Variants in ALG9 observed in about 807,000 individuals in gnomAD.
ALG9 encodes alpha-1,2-mannosyltransferase ALG9.
Under a neutral mutation model 81.8 loss-of-function variants are expected in ALG9, and 55 were observed. The ratio of observed to expected loss-of-function variants is 0.67; its 90% CI spans 0.54 to 0.84. The LOEUF (loss-of-function observed/expected upper bound fraction) is 0.84. Ranked by LOEUF, ALG9 falls within the 40% of genes least tolerant of loss-of-function variation. ALG9 has a pLI of 0.00. For missense variants in ALG9, 629 were observed against 745.0 expected (o/e 0.84, Z 1.81); for synonymous variants, 278 against 274.3 (o/e 1.01, Z -0.13).
chr11:111,840,305 C>T (rs1405914541), intron 10 of ALG9, among the ~76,000 whole-genome samples: 4 of 152,148 alleles, frequency 2.6e-5, no homozygotes, highest in Admixed American at 1.3e-4. Context: ...CTGTGAACTG[C>T]CTGCTGTGAT....
At chr11:111,795,529 A>G (rs1207016801) in intron 14 of ALG9, among the ~76,000 whole-genome samples, 1 of 152,256 alleles carries the variant, frequency 6.6e-6, no homozygotes, top group Non-Finnish European at 1.5e-5. Flanking sequence ...GAATTTGCTG[A>G]ATCAGCATTA....
At chr11:111,853,836 G>T (rs1958218815) in intron 6 of ALG9, 100 bp from the exon 7 acceptor site, 1 of 1,095,166 alleles carries the variant, frequency 9.1e-7, no homozygotes, top group Non-Finnish European at 1.4e-6. Flanking sequence ...AAATGCCTCT[G>T]CCAGTTATAG....
At position 111,837,548 on chromosome 11, in the gene ALG9, A is replaced by G; in HGVS notation, c.1392T>C (p.Thr464=). The change falls in exon 12 of 15, where the codon ACT becomes ACC. Residue 464 remains threonine (T), a synonymous_variant. Coordinates refer to ENST00000616540, the MANE Select transcript of ALG9 (RefSeq NM_024740.2). ...CATTCACAGGTCTGCCTTCTGGGAC[A>G]GTGTGGATGGTTGGGTCTGTAGCAA... ...YRIATDPTIH[T]VPEGRPVNVC... is the part of the protein sequence containing the mutation. The G allele has an allele frequency of 1.9e-6, 3 of 1,614,106 alleles. No homozygotes were observed. The highest frequency in any genetic ancestry group is 2.5e-6 in the Non-Finnish European group (3 of 1,179,948).
At position 111,782,256 on chromosome 11, in the gene ALG9, C is replaced by G. The variant is rs541035545; in HGVS notation, c.*4141G>C. On this transcript the variant is annotated 3_prime_UTR_variant, in exon 15 of 15. Coordinates refer to ENST00000616540, the MANE Select transcript of ALG9 (RefSeq NM_024740.2). ...AGGAAATATAAGTATGTAATGTAAA[C>G]ACCGACACGTGAAATAAAGTACAAG... The G allele has an allele frequency of 4.6e-5, 7 of 152,288 alleles. No individual in the cohort carries two copies. The highest frequency in any genetic ancestry group is 8.8e-5 in the Non-Finnish European group (6 of 68,006). The allele number at this position is 152,288 out of a possible 1,614,324, so 9.4% of individuals were successfully genotyped here.
rs1185827853 is a variant in ALG9 at position 111,789,635 on chromosome 11, C to A, written c.1734-3115G>T. 2.6e-5 allele frequency among the ~76,000 whole-genome samples: 4 copies of A among 151,560 alleles called. No individual in the cohort carries two copies. The South Asian group carries it at 8.4e-4, about 32-fold the overall frequency. On this transcript the variant is annotated intron_variant, in intron 14 of 14. Transcript: ENST00000616540. ...GGCCACCGAGGTCAGGAGTTCAAGA[C>A]CAGCCTGGCCAAGATGGTGAAACCC...
At chr11:111,814,278 C>A (rs529825174) in intron 13 of ALG9, among the ~76,000 whole-genome samples, 1 of 152,262 alleles carries the variant, frequency 6.6e-6, no homozygotes, top group Non-Finnish European at 1.5e-5. Flanking sequence ...CAGTGTGATT[C>A]AGGCAAAATG....
intron 13 of ALG9, among the ~76,000 whole-genome samples, chr11:111,827,284 A>G (rs1448470643): frequency 6.6e-6 from 1 of 151,932 alleles, no homozygotes; most frequent in African/African-American, 2.4e-5. Flanking sequence ...TGAGACCAGC[A>G]TGACCAACAT....
At chr11:111,799,531 A>C (rs1948794297) in intron 14 of ALG9, among the ~76,000 whole-genome samples, 1 of 151,530 alleles carries the variant, frequency 6.6e-6, no homozygotes, top group South Asian at 2.1e-4. Flanking sequence ...CAGACAGCTG[A>C]GGCCCAATCT....
At chr11:111,802,695 A>C (rs1555081518) in intron 14 of ALG9, among the ~76,000 whole-genome samples, 1 of 152,192 alleles carries the variant, frequency 6.6e-6, no homozygotes, top group East Asian at 1.9e-4. Flanking sequence ...ACCCCGGTTA[A>C]ATTTACCTGT....
chr11:111,779,106 G>A (rs1304095741), downstream of ALG9, among the ~76,000 whole-genome samples: 15 of 151,392 alleles, frequency 9.9e-5, no homozygotes, highest in Non-Finnish European at 1.6e-4. Flanking sequence ...GAGCCACCGC[G>A]GCCGGCCAAT....
In ALG9 at chr11:111,846,312, G is replaced by A. The variant is rs528924626; in HGVS notation, c.896-1589C>T. On this transcript the variant is annotated intron_variant, in intron 8 of 14. Coordinates refer to ENST00000616540, the MANE Select transcript of ALG9 (RefSeq NM_024740.2). ...GTGAAGAAAAACCATAGAGTGACCA[G>A]ACAGAAAAGGGGTTATCCTTTCTAT... Among the ~76,000 whole-genome samples the A allele has an allele frequency of 1.5e-4, 23 of 152,226 alleles. No individual in the cohort carries two copies. In the East Asian group the frequency reaches 4.5e-3, roughly 29 times the overall value.
the ALG9 span, among the ~76,000 whole-genome samples, chr11:111,776,878 G>A: frequency 1.3e-5 from 2 of 152,156 alleles, no homozygotes; most frequent in South Asian, 4.1e-4. Flanking sequence ...GGGAGTAAAG[G>A]TATTCTAAGG....
At chr11:111,838,562 A>G (rs1386307829) in intron 10 of ALG9, among the ~76,000 whole-genome samples, 163 bp from the exon 11 acceptor site, 2 of 152,192 alleles carry the variant, frequency 1.3e-5, no homozygotes, top group African/African-American at 4.8e-5. Flanking sequence ...CTCTAAGACT[A>G]CCTGTAGTCT....
intron 9 of ALG9, among the ~76,000 whole-genome samples, chr11:111,844,104 A>G (rs1555126521): frequency 6.6e-6 from 1 of 152,124 alleles, no homozygotes; most frequent in Non-Finnish European, 1.5e-5. Context: ...TCCTGGGTTC[A>G]AACGATTCTC....
chr11:111,795,904 T>C (rs1336243807), intron 14 of ALG9, among the ~76,000 whole-genome samples: 1 of 152,216 alleles, frequency 6.6e-6, no homozygotes, highest in African/African-American at 2.4e-5. Flanking sequence ...CAGTCTTTTT[T>C]CCCATCTCAC....
chr11:111,826,281 G>A (rs1953262711), intron 13 of ALG9, among the ~76,000 whole-genome samples: 1 of 151,340 alleles, frequency 6.6e-6, no homozygotes. Flanking sequence ...AGCTACTTGA[G>A]AGGCTGAGGT....
downstream of ALG9, among the ~76,000 whole-genome samples, chr11:111,778,892 G>A (rs1286061112): frequency 4.6e-5 from 7 of 150,788 alleles, no homozygotes; most frequent in East Asian, 1.9e-4. Context: ...TTGGTTCGCC[G>A]CAACCTCCGC....
chr11:111,846,663 A>T (rs1391508880), intron 8 of ALG9, among the ~76,000 whole-genome samples: 2 of 152,232 alleles, frequency 1.3e-5, no homozygotes, highest in African/African-American at 2.4e-5. Context: ...GGATAAGCCA[A>T]AAGTGAAGAA....
chr11:111,858,563 G>A lies in ALG9; in HGVS notation c.566-826C>T, dbSNP rs145470567. Among the ~76,000 whole-genome samples, 520 of 152,238 alleles carry A rather than the reference G, an allele frequency of 3.4e-3. 1 individual carries two copies. Among genetic ancestry groups the A allele is most frequent in the Non-Finnish European group, 5.8e-3 (394 of 68,008 alleles). ...CTCCACCTGCTGACACAGATAATCT[G>A]GCCTTTAAATAGCCCCCTAATTAGT... On this transcript the variant is annotated intron_variant, in intron 5 of 14. Transcript: ENST00000616540.
Sources: gnomAD v4.1 joint callset for allele counts (sites outside exome capture counted in the v4.1 genomes callset) on GRCh38, gnomAD v4.1.1 for gene constraint, MANE v1.5 for transcripts, NCBI Gene and HGNC (gene_info 2026-07-23, HGNC 2026-07-21) for gene names.